The following FAM171A1 variants were observed in gnomAD, a reference collection of about 807,000 sequenced individuals.
The protein encoded by FAM171A1 is protein FAM171A1.
Under a neutral mutation model 74.9 loss-of-function variants are expected in FAM171A1, and 23 were observed. The observed-to-expected ratio is 0.31, with a 90% CI of 0.22 to 0.44. FAM171A1 has a LOEUF of 0.44. FAM171A1 is among the 20% of genes least tolerant of loss of function. The pLI is 1.00. For missense variants in FAM171A1, 1,162 were observed against 1,159.2 expected (o/e 1.00, Z -0.03); for synonymous variants, 527 against 505.7 (o/e 1.04, Z -0.57).
At chr10:15,332,455 A>G (rs910607440) in intron 1 of FAM171A1, among the ~76,000 whole-genome samples, 4 of 152,150 alleles carry the variant, frequency 2.6e-5, no homozygotes, top group African/African-American at 9.7e-5. Context: ...GGGCACCAAC[A>G]GTATGGGGGC....
At chr10:15,242,860 T>C (rs1351732256) in intron 5 of FAM171A1, among the ~76,000 whole-genome samples, 1 of 152,242 alleles carries the variant, frequency 6.6e-6, no homozygotes, top group African/African-American at 2.4e-5. Flanking sequence ...ATGGTTATTT[T>C]TTCAGAGAGG....
At chr10:15,307,977 A>AT (rs1411722955) in intron 1 of FAM171A1, among the ~76,000 whole-genome samples, 1 of 151,726 alleles carries the variant, frequency 6.6e-6, no homozygotes, top group Non-Finnish European at 1.5e-5. Flanking sequence ...CTCATTTTTT[A>AT]TTTTTTAATT....
intron 1 of FAM171A1, among the ~76,000 whole-genome samples, chr10:15,287,230 T>A (rs1047274281): frequency 7.9e-5 from 12 of 150,944 alleles, no homozygotes; most frequent in Non-Finnish European, 1.2e-4. Context: ...TAGCTGGGAA[T>A]ACAGGCACCC....
chr10:15,232,472 A>G (rs917987091), intron 5 of FAM171A1, among the ~76,000 whole-genome samples: 2 of 152,238 alleles, frequency 1.3e-5, no homozygotes, highest in Admixed American at 6.5e-5. Flanking sequence ...AGCCTACAAC[A>G]GAGTCATGTC....
intron 1 of FAM171A1, among the ~76,000 whole-genome samples, chr10:15,304,584 A>G (rs1037620103): frequency 3.9e-5 from 6 of 152,056 alleles, no homozygotes. Flanking sequence ...AAAAACCTCA[A>G]TAAAGGGTCC....
intron 5 of FAM171A1, among the ~76,000 whole-genome samples, chr10:15,223,931 A>C (rs7921142): frequency 0.51 from 77,222 of 151,626 alleles, 21,225 homozygotes; most frequent in African/African-American, 0.73. Flanking sequence ...AACAAAAAAA[A>C]CCCCTCCACA....
At chr10:15,302,191 C>T (rs980969204) in intron 1 of FAM171A1, among the ~76,000 whole-genome samples, 68 of 152,258 alleles carry the variant, frequency 4.5e-4, no homozygotes, top group African/African-American at 1.3e-3. Flanking sequence ...TGGCCAGGTG[C>T]GGTGGCTCAT....
chr10:15,229,800 ATCACCATCACCACCACCATCAC>A (rs1588500518), intron 5 of FAM171A1, among the ~76,000 whole-genome samples: 475 of 17,812 alleles, frequency 0.027, 1 homozygote, highest in Middle Eastern at 0.071. Context: ...CATCACCATC[ATCACCATCACCACCACCATCAC>A]CATCATCATC....
intron 3 of FAM171A1, among the ~76,000 whole-genome samples, chr10:15,255,461 G>A (rs183614171): frequency 2.0e-5 from 3 of 152,252 alleles, no homozygotes; most frequent in East Asian, 3.9e-4. Context: ...TTCTGGAGGC[G>A]TGCTTCCTAC....
chr10:15,250,274 C>T (rs906640894), intron 4 of FAM171A1, among the ~76,000 whole-genome samples: 1 of 152,198 alleles, frequency 6.6e-6, no homozygotes, highest in Non-Finnish European at 1.5e-5. Flanking sequence ...ATCTCTTAGT[C>T]TGGTTATGTC....
At chr10:15,272,490 G>A (rs1834839319) in intron 3 of FAM171A1, among the ~76,000 whole-genome samples, 1 of 152,274 alleles carries the variant, frequency 6.6e-6, no homozygotes, top group Non-Finnish European at 1.5e-5. Flanking sequence ...CAACGAGACA[G>A]AAAGTTAAAA....
chr10:15,348,442 G>A (rs1407392192), intron 1 of FAM171A1, among the ~76,000 whole-genome samples: 1 of 152,202 alleles, frequency 6.6e-6, no homozygotes, highest in South Asian at 2.1e-4. Context: ...CCGGCCTCTA[G>A]GTAGCTTTCT....
intron 1 of FAM171A1, among the ~76,000 whole-genome samples, chr10:15,302,159 C>T (rs992807097): frequency 2.6e-5 from 4 of 152,166 alleles, no homozygotes; most frequent in Non-Finnish European, 5.9e-5. Context: ...CACTCTGCTC[C>T]ATTAGTTTAA....
chr10:15,292,695 G>A (rs992346430), intron 1 of FAM171A1, among the ~76,000 whole-genome samples: 6 of 151,750 alleles, frequency 4.0e-5, no homozygotes, highest in African/African-American at 7.3e-5. Context: ...CACATTGCCC[G>A]GGCTGGTCTT....
chr10:15,253,477 A>G (rs1321818434), intron 4 of FAM171A1, among the ~76,000 whole-genome samples: 1 of 152,216 alleles, frequency 6.6e-6, no homozygotes, highest in Non-Finnish European at 1.5e-5. Context: ...CATCCTCATC[A>G]GCACACAAAA....
At chr10:15,242,806 C>T (rs4256884) in intron 5 of FAM171A1, among the ~76,000 whole-genome samples, 11,141 of 151,946 alleles carry the variant, frequency 0.073, 459 homozygotes, top group Middle Eastern at 0.17. Context: ...AAAAAGGAAG[C>T]GGAAATAGGT....
At chr10:15,261,537 C>T (rs953625577) in intron 3 of FAM171A1, among the ~76,000 whole-genome samples, 11 of 152,168 alleles carry the variant, frequency 7.2e-5, no homozygotes, top group African/African-American at 2.4e-4. Context: ...ATGGAAACGG[C>T]TTGATTATCA....
chr10:15,266,084 G>A (rs1006767183), intron 3 of FAM171A1, among the ~76,000 whole-genome samples: 6 of 152,150 alleles, frequency 3.9e-5, no homozygotes, highest in African/African-American at 1.4e-4. Context: ...ACCCACGGAC[G>A]CCGTCTGCTC....
intron 1 of FAM171A1, among the ~76,000 whole-genome samples, chr10:15,285,138 T>C (rs1267317393): frequency 6.6e-6 from 1 of 151,938 alleles, no homozygotes; most frequent in Non-Finnish European, 1.5e-5. Context: ...ACAGCTACAG[T>C]GAAGGAGAGG....
Sources: allele counts gnomAD v4.1 joint callset (sites outside exome capture counted in the v4.1 genomes callset), GRCh38; gene constraint gnomAD v4.1.1; transcripts MANE v1.5; gene names NCBI Gene and HGNC (gene_info 2026-07-23, HGNC 2026-07-21).